EIF2AK4: variants seen among roughly 807,000 people sequenced by gnomAD.
The protein encoded by EIF2AK4 is eIF-2-alpha kinase GCN2.
EIF2AK4 carries 139 observed loss-of-function variants against 211.1 expected under a neutral mutation model. The ratio of observed to expected loss-of-function variants is 0.66; its 90% CI spans 0.57 to 0.76. The LOEUF is 0.76. EIF2AK4 is among the 30% of genes least tolerant of loss of function. The pLI is 0.00. For missense variants in EIF2AK4, 1,664 were observed against 2,043.8 expected, an observed-to-expected ratio of 0.81 and a Z score of 3.58; for synonymous variants, 710 against 751.3, an observed-to-expected ratio of 0.94 and a Z score of 0.90.
intron 16 of EIF2AK4, chr15:39,991,941 C>G: frequency 2.6e-6 from 1 of 385,300 alleles, no homozygotes. Context: ...TATTTCTGTC[C>G]TAAAGAAAGA....
rs756715574 is a variant in EIF2AK4 at position 39,934,188 on chromosome 15, G to A, written c.-8G>A. The A allele has an allele frequency of 9.1e-6, 14 of 1,532,496 alleles. No homozygotes were observed. Among genetic ancestry groups the A allele is most frequent in the South Asian group, 8.4e-5 (7 of 83,370 alleles). The allele number at this position is 1,532,496 out of a possible 1,614,324, so 94.9% of individuals were successfully genotyped here. ...GCAAGGCCGCCCTGCCTTGGGCGCAGCGCTGCCATGGCTGGGGGCCGTGGG... is the reference window on the plus strand; with the variant it reads ...GCAAGGCCGCCCTGCCTTGGGCGCAACGCTGCCATGGCTGGGGGCCGTGGG... On this transcript the variant is annotated 5_prime_UTR_variant, in exon 1 of 39. Transcript: ENST00000263791.
At chr15:40,031,778 T>G (rs1239609219) in intron 35 of EIF2AK4, among the ~76,000 whole-genome samples, 1 of 151,518 alleles carries the variant, frequency 6.6e-6, no homozygotes, top group African/African-American at 2.4e-5. Context: ...CAGGCTGGAG[T>G]GCAGTGGTGC....
In EIF2AK4 at chr15:39,998,622, C is replaced by A. The variant is rs1042940295; in HGVS notation, c.2869-109C>A. 2.0e-5 allele frequency: 16 copies of A among 814,802 alleles called. No homozygotes were observed. The South Asian group carries it at 2.7e-4, about 14-fold the overall frequency. 50.5% of individuals were successfully genotyped at this position (814,802 alleles called of 1,614,324 possible). ...TTCAAGAAGGTATCACCTATCTTTT[C>A]TTGCTAGCAAATTTTTATTTCTGTA... On this transcript the variant is annotated intron_variant, in intron 19 of 38. Coordinates refer to ENST00000263791, the MANE Select transcript of EIF2AK4 (RefSeq NM_001013703.4).
At chr15:40,018,959 A>G (rs1438114843) in intron 29 of EIF2AK4, 134 bp from the exon 30 acceptor site, 3 of 681,900 alleles carry the variant, frequency 4.4e-6, no homozygotes, top group African/African-American at 1.8e-5. Flanking sequence ...ATTTTACTAC[A>G]CACACACATT....
intron 6 of EIF2AK4, among the ~76,000 whole-genome samples, chr15:39,958,124 G>A (rs771612496): frequency 1.1e-4 from 16 of 152,196 alleles, no homozygotes; most frequent in Non-Finnish European, 1.8e-4. Flanking sequence ...ACAGTTCAGC[G>A]TGAGGCTGTA....
intron 35 of EIF2AK4, 117 bp from the exon 36 acceptor site, chr15:40,032,052 G>A: frequency 2.2e-6 from 2 of 901,288 alleles, no homozygotes; most frequent in Admixed American, 3.8e-5. Context: ...ACACCATTTG[G>A]AATCCTTTCT....
At chr15:39,987,283 A>G (rs996286155) in intron 14 of EIF2AK4, among the ~76,000 whole-genome samples, 7 of 152,234 alleles carry the variant, frequency 4.6e-5, no homozygotes, top group African/African-American at 1.7e-4. Context: ...CCGGAGGGTG[A>G]ACCAGAGTTT....
intron 1 of EIF2AK4, among the ~76,000 whole-genome samples, chr15:39,938,981 C>T (rs1200248740): frequency 6.6e-6 from 1 of 152,204 alleles, no homozygotes; most frequent in Non-Finnish European, 1.5e-5. Flanking sequence ...CTCTCCTTGT[C>T]AAGGGTTTTC....
At chr15:40,008,740 T>TG (rs909440295) in intron 25 of EIF2AK4, among the ~76,000 whole-genome samples, 1 of 152,140 alleles carries the variant, frequency 6.6e-6, no homozygotes, top group African/African-American at 2.4e-5. Context: ...ATTAATTAGT[T>TG]GGCCACCTTT....
At chr15:39,976,241 T>C in intron 11 of EIF2AK4, among the ~76,000 whole-genome samples, 173 bp from the exon 12 acceptor site, 1 of 152,194 alleles carries the variant, frequency 6.6e-6, no homozygotes, top group South Asian at 2.1e-4. Flanking sequence ...TTTTCTGAAT[T>C]TTGTGGCAGT....
At chr15:39,992,307 T>C in intron 17 of EIF2AK4, 78 bp downstream of exon 17, 1 of 1,289,424 alleles carries the variant, frequency 7.8e-7, no homozygotes, top group Non-Finnish European at 1.1e-6. Flanking sequence ...GTTTTTTACT[T>C]GTAAAGGTTT....
intron 14 of EIF2AK4, among the ~76,000 whole-genome samples, chr15:39,987,651 A>G (rs1566995458): frequency 6.6e-6 from 1 of 152,240 alleles, no homozygotes; most frequent in Non-Finnish European, 1.5e-5. Flanking sequence ...TGGGTTTGGA[A>G]GCGATCTTGT....
chr15:40,025,882 C>A (rs1595437221), intron 32 of EIF2AK4, 95 bp from the exon 33 acceptor site: 1 of 1,221,666 alleles, frequency 8.2e-7, no homozygotes, highest in East Asian at 2.5e-5. Flanking sequence ...ACCACTGACC[C>A]AAACTATTGA....
chr15:39,958,650 C>T (rs1182763791), intron 6 of EIF2AK4, among the ~76,000 whole-genome samples: 4 of 152,186 alleles, frequency 2.6e-5, no homozygotes, highest in Non-Finnish European at 4.4e-5. Flanking sequence ...GGAATTCTTA[C>T]TAATGTTGTC....
intron 17 of EIF2AK4, 166 bp downstream of exon 17, chr15:39,992,395 T>G: frequency 1.8e-6 from 1 of 566,410 alleles, no homozygotes; most frequent in Non-Finnish European, 3.0e-6. Context: ...CCTTTTCAAT[T>G]TATGAATTAT....
intron 19 of EIF2AK4, among the ~76,000 whole-genome samples, chr15:39,998,382 AT>A (rs2035049285): frequency 6.6e-6 from 1 of 150,680 alleles, no homozygotes; most frequent in African/African-American, 2.4e-5. Flanking sequence ...GCCCCTTGAA[AT>A]TTTTTTCTCA....
At chr15:39,977,264 T>C in intron 12 of EIF2AK4, 1 of 160,932 alleles carries the variant, frequency 6.2e-6, no homozygotes, top group East Asian at 1.8e-4. Flanking sequence ...CACAGACGGG[T>C]GTTAGGGAAA....
At position 40,008,084 on chromosome 15, in the gene EIF2AK4, ACTT is replaced by A. The variant is rs781434929; in HGVS notation, c.3468_3470del (p.Leu1157del). 6.2e-7 allele frequency: 1 copy of A among 1,611,284 alleles called. No individual in the cohort carries two copies. The highest frequency in any genetic ancestry group is 8.5e-7 in the Non-Finnish European group (1 of 1,178,916). On this transcript the variant is annotated inframe_deletion, in exon 25 of 39. Coordinates refer to ENST00000263791, the MANE Select transcript of EIF2AK4 (RefSeq NM_001013703.4). Reference sequence around the variant, plus strand: ...AGTTAGATCGATTTCATCCCAAAGAACTTCTGGAGTGTGCATTTGATATTGTCA... The same window carrying A: ...AGTTAGATCGATTTCATCCCAAAGAACTGGAGTGTGCATTTGATATTGTCA...
At chr15:39,943,324 A>T (rs2034173713) in intron 2 of EIF2AK4, 59 bp from the exon 3 acceptor site, 1 of 1,360,346 alleles carries the variant, frequency 7.4e-7, no homozygotes, top group Non-Finnish European at 9.9e-7. Context: ...ATATTAATGC[A>T]AACAGGCTAT....
Sources: allele counts gnomAD v4.1 joint callset (sites outside exome capture counted in the v4.1 genomes callset), GRCh38; gene constraint gnomAD v4.1.1; transcripts MANE v1.5; gene names NCBI Gene and HGNC (gene_info 2026-07-23, HGNC 2026-07-21).